Variants in AGBL4 observed in about 807,000 individuals in gnomAD.
AGBL4 encodes cytosolic carboxypeptidase 6.
AGBL4 carries 58 observed loss-of-function variants against 66.4 expected under a neutral mutation model. That is an observed-to-expected ratio of 0.87 (90% CI 0.71 to 1.09). AGBL4 has a LOEUF of 1.09. AGBL4 is among the 50% of genes least tolerant of loss of function. AGBL4 has a pLI of 0.00. For missense variants in AGBL4, 579 were observed against 631.0 expected (o/e 0.92, Z 0.88); for synonymous variants, 234 against 222.9 (o/e 1.05, Z -0.44).
intron 9 of AGBL4, among the ~76,000 whole-genome samples, chr1:48,598,632 C>A (rs1441708696): frequency 2.6e-5 from 4 of 152,120 alleles, no homozygotes; most frequent in African/African-American, 9.7e-5. Context: ...TGAAAATTAG[C>A]TGGGCATAAT....
chr1:48,978,203 C>A (rs1265575221), intron 5 of AGBL4, among the ~76,000 whole-genome samples: 1 of 152,128 alleles, frequency 6.6e-6, no homozygotes, highest in African/African-American at 2.4e-5. Context: ...AGGTAAGTAA[C>A]CAAAGGGATG....
chr1:48,694,918 C>T (rs1646691687), intron 6 of AGBL4, among the ~76,000 whole-genome samples: 1 of 152,172 alleles, frequency 6.6e-6, no homozygotes, highest in Non-Finnish European at 1.5e-5. Context: ...TTTATAATCA[C>T]CAATGTGCCT....
intron 6 of AGBL4, among the ~76,000 whole-genome samples, chr1:48,825,636 G>A (rs751853452): frequency 2.0e-5 from 3 of 152,138 alleles, no homozygotes; most frequent in Non-Finnish European, 4.4e-5. Context: ...AAGTGAATAA[G>A]TGCATAAATA....
intron 1 of AGBL4, among the ~76,000 whole-genome samples, chr1:49,905,524 G>C (rs1265257981): frequency 6.6e-6 from 1 of 152,144 alleles, no homozygotes; most frequent in Non-Finnish European, 1.5e-5. Flanking sequence ...GTCAGCAGCA[G>C]CAGAAAGCTG....
chr1:50,022,668 C>T (rs1572074811), intron 1 of AGBL4, among the ~76,000 whole-genome samples: 1 of 147,596 alleles, frequency 6.8e-6, no homozygotes, highest in African/African-American at 2.5e-5. Flanking sequence ...ACACCAGGAC[C>T]AAAGTAATTC....
intron 8 of AGBL4, among the ~76,000 whole-genome samples, chr1:48,649,275 C>T (rs1382210302): frequency 2.0e-5 from 3 of 152,132 alleles, no homozygotes; most frequent in African/African-American, 7.2e-5. Context: ...CTATATATTG[C>T]GATCCCTGGG....
intron 9 of AGBL4, among the ~76,000 whole-genome samples, chr1:48,599,135 T>G (rs1388023075): frequency 6.6e-6 from 1 of 152,214 alleles, no homozygotes; most frequent in Non-Finnish European, 1.5e-5. Flanking sequence ...GACAATAACA[T>G]GCATGAAGCT....
chr1:49,456,536 T>A (rs1012915774), intron 3 of AGBL4, among the ~76,000 whole-genome samples: 3 of 151,710 alleles, frequency 2.0e-5, no homozygotes, highest in Non-Finnish European at 4.4e-5. Flanking sequence ...GTTTCCATCA[T>A]TTATTTATTT....
intron 4 of AGBL4, among the ~76,000 whole-genome samples, chr1:49,130,773 C>T (rs1375685644): frequency 6.6e-6 from 1 of 151,928 alleles, no homozygotes; most frequent in African/African-American, 2.4e-5. Flanking sequence ...GTTCTTTTGG[C>T]TTAGGATTGA....
intron 6 of AGBL4, among the ~76,000 whole-genome samples, chr1:48,830,680 G>A (rs879271212): frequency 6.6e-6 from 1 of 152,192 alleles, no homozygotes; most frequent in South Asian, 2.1e-4. Flanking sequence ...CTTGGTAGAT[G>A]TTAATCAAAT....
intron 1 of AGBL4, among the ~76,000 whole-genome samples, chr1:49,998,744 T>A (rs1049546225): frequency 1.3e-5 from 2 of 152,154 alleles, no homozygotes; most frequent in Non-Finnish European, 2.9e-5. Flanking sequence ...CATGATCAAG[T>A]GGGTTTCACA....
At chr1:48,708,152 A>C (rs1391605857) in intron 6 of AGBL4, among the ~76,000 whole-genome samples, 1 of 152,202 alleles carries the variant, frequency 6.6e-6, no homozygotes, top group Non-Finnish European at 1.5e-5. Flanking sequence ...TCACAACCGA[A>C]TCCAGAGTGA....
intron 8 of AGBL4, among the ~76,000 whole-genome samples, chr1:48,651,567 A>G (rs936963521): frequency 6.6e-5 from 10 of 152,226 alleles, no homozygotes; most frequent in Non-Finnish European, 1.5e-4. Context: ...GTGGAAAAGC[A>G]TCACTCTCAG....
chr1:49,498,944 A>G (rs1309240388), intron 3 of AGBL4, among the ~76,000 whole-genome samples: 2 of 152,024 alleles, frequency 1.3e-5, no homozygotes, highest in African/African-American at 2.4e-5. Context: ...TTCATGTGCT[A>G]TTGAATTTAG....
At chr1:49,310,448 G>T (rs997565321) in intron 3 of AGBL4, among the ~76,000 whole-genome samples, 1 of 151,918 alleles carries the variant, frequency 6.6e-6, no homozygotes, top group Non-Finnish European at 1.5e-5. Context: ...AAAGCTAACT[G>T]GATTTTCTAA....
chr1:49,885,294 C>T (rs985057142), intron 1 of AGBL4, among the ~76,000 whole-genome samples: 17 of 151,922 alleles, frequency 1.1e-4, no homozygotes, highest in Non-Finnish European at 2.9e-5. Context: ...TTGTAACCCA[C>T]AAATTCTCAG....
chr1:48,877,238 A>T (rs1033249073), intron 5 of AGBL4, among the ~76,000 whole-genome samples: 6 of 152,218 alleles, frequency 3.9e-5, no homozygotes, highest in African/African-American at 1.2e-4. Context: ...GGGTGTAAGT[A>T]GAGGAAGGGG....
chr1:49,606,787 C>T (rs1052029052), intron 3 of AGBL4, among the ~76,000 whole-genome samples: 3 of 152,062 alleles, frequency 2.0e-5, no homozygotes, highest in Admixed American at 6.6e-5. Flanking sequence ...ATTTCTGAAT[C>T]CAAACAACCC....
chr1:49,440,014 GT>G (rs974774997), intron 3 of AGBL4, among the ~76,000 whole-genome samples: 6 of 150,458 alleles, frequency 4.0e-5, no homozygotes, highest in African/African-American at 1.5e-4. Flanking sequence ...TGGTTTTGGG[GT>G]TTCTGGAGTT....
Sources: allele counts gnomAD v4.1 joint callset (sites outside exome capture counted in the v4.1 genomes callset), GRCh38; gene constraint gnomAD v4.1.1; transcripts MANE v1.5; gene names NCBI Gene and HGNC (gene_info 2026-07-23, HGNC 2026-07-21).